Variants in MACF1 observed in about 807,000 individuals in gnomAD.
MACF1 encodes the protein microtubule-actin cross-linking factor 1.
Under a neutral mutation model 854.8 loss-of-function variants are expected in MACF1, and 193 were observed. The ratio of observed to expected loss-of-function variants is 0.23; its 90% confidence interval spans 0.20 to 0.25. The LOEUF (loss-of-function observed/expected upper bound fraction) is 0.25, where lower values mean the gene tolerates loss of function less well. Ranked by LOEUF, MACF1 falls within the 10% of genes least tolerant of loss-of-function variation. The pLI is 1.00. For missense variants in MACF1, 7,722 were observed against 8,929.1 expected (o/e 0.86, Z 5.45); for synonymous variants, 3,185 against 3,226.7 (o/e 0.99, Z 0.44).
intron 2 of MACF1, among the ~76,000 whole-genome samples, chr1:39,117,876 T>C (rs967843371): frequency 1.3e-5 from 2 of 152,226 alleles, no homozygotes; most frequent in Non-Finnish European, 2.9e-5. Context: ...GTAGAAGATA[T>C]CCTAAAAAGA....
intron 2 of MACF1, among the ~76,000 whole-genome samples, chr1:39,198,235 G>A (rs1344984406): frequency 2.0e-5 from 3 of 152,140 alleles, no homozygotes; most frequent in East Asian, 3.9e-4. Flanking sequence ...CAGGCTGGGC[G>A]CGGTGGCTCA....
At chr1:39,425,330 C>T (rs760832456) in intron 61 of MACF1, among the ~76,000 whole-genome samples, 11 of 152,100 alleles carry the variant, frequency 7.2e-5, no homozygotes, top group Non-Finnish European at 1.5e-4. Context: ...ATCACTCTAC[C>T]ACTAACCCTG....
chr1:39,266,291 C>G (rs896343699), intron 6 of MACF1, among the ~76,000 whole-genome samples: 1 of 152,194 alleles, frequency 6.6e-6, no homozygotes, highest in Non-Finnish European at 1.5e-5. Flanking sequence ...GGTTTCTTCA[C>G]TGGAGGAGTG....
chr1:39,353,055 C>T lies in MACF1; in HGVS notation c.11248C>T (p.Leu3750Phe). 2 of 1,614,098 alleles carry T rather than the reference C, an allele frequency of 1.2e-6. No homozygotes were observed. The highest frequency in any genetic ancestry group is 2.2e-5 in the East Asian group (1 of 44,864). Reference sequence around the variant, plus strand: ...AGAGAACAAGAAGAAGATCGATGCTCTCCTGGATTGGGTAACTTCAGTAGG... The same window carrying T: ...AGAGAACAAGAAGAAGATCGATGCTTTCCTGGATTGGGTAACTTCAGTAGG... ...LAENKKKIDA[L>F]LDWVTSVGSS... The change falls in exon 44 of 101, where the codon CTC becomes TTC. Residue 3750 changes from leucine (L) to phenylalanine (F), a missense_variant. By Grantham distance (22) the Leu-to-Phe change is conservative. Transcript: ENST00000564288.
At chr1:39,426,695 T>G (rs1280714020) in intron 61 of MACF1, among the ~76,000 whole-genome samples, 3 of 152,182 alleles carry the variant, frequency 2.0e-5, no homozygotes, top group Non-Finnish European at 4.4e-5. Context: ...AAAGCCAAGC[T>G]TAGTTATGGA....
At chr1:39,287,238 TATAC>T (rs767536193) in intron 14 of MACF1, 44 bp from the exon 15 acceptor site, 2 of 1,565,622 alleles carry the variant, frequency 1.3e-6, no homozygotes, top group Admixed American at 3.7e-5. Context: ...TTTTAAAAAC[TATAC>T]TATAGATTTA....
intron 1 of MACF1, among the ~76,000 whole-genome samples, chr1:39,217,240 CTA>C (rs1644587265): frequency 1.5e-5 from 2 of 135,814 alleles, no homozygotes. Context: ...GATTTAGGGT[CTA>C]TTTTATTTTA....
At chr1:39,430,996 GA>G in intron 66 of MACF1, 88 bp downstream of exon 66, 1 of 1,186,658 alleles carries the variant, frequency 8.4e-7, no homozygotes, top group Non-Finnish European at 1.2e-6. Flanking sequence ...TACAGACTCA[GA>G]AATAAGAATG....
At chr1:39,207,054 A>C (rs1223847751) in intron 1 of MACF1, 1 of 151,886 alleles carries the variant, frequency 6.6e-6, no homozygotes, top group Non-Finnish European at 1.5e-5. Flanking sequence ...GTGCCTAATA[A>C]TAGTAATAAT....
chr1:39,465,353 C>T (rs1392269049), intron 95 of MACF1, among the ~76,000 whole-genome samples: 1 of 152,188 alleles, frequency 6.6e-6, no homozygotes, highest in African/African-American at 2.4e-5. Flanking sequence ...GCTATGGTAT[C>T]AGTCCATTAC....
chr1:39,188,851 G>GCC (rs1644211206), intron 2 of MACF1, among the ~76,000 whole-genome samples: 1 of 152,064 alleles, frequency 6.6e-6, no homozygotes, highest in Non-Finnish European at 1.5e-5. Flanking sequence ...TGATCCACCT[G>GCC]TTTCTGCCTC....
At chr1:39,378,625 C>A in intron 53 of MACF1, 102 bp downstream of exon 53, 1 of 1,146,196 alleles carries the variant, frequency 8.7e-7, no homozygotes, top group Non-Finnish European at 1.3e-6. Context: ...GAACTGCTGC[C>A]AGAATGGGTG....
intron 6 of MACF1, among the ~76,000 whole-genome samples, chr1:39,281,325 T>C (rs969372097): frequency 2.0e-5 from 3 of 152,174 alleles, no homozygotes; most frequent in African/African-American, 7.2e-5. Context: ...ATTGCATACA[T>C]AGGTGCGTGT....
Position 39,084,195 on chromosome 1 carries a change from C to T in MACF1, c.-24C>T. ...ACTTCTCCCTGGGCTCCCAGGCCCT[C>T]CTGCAGCAGCCCCCGCCTGGGCCAT... On this transcript the variant is annotated 5_prime_UTR_variant, in exon 2 of 94. Coordinates refer to the MACF1 transcript ENST00000361689. The surrounding 1 kb of genome is among the most constrained non-coding windows in gnomAD (Gnocchi z 5.2). 5 of 1,607,070 alleles carry T rather than the reference C, an allele frequency of 3.1e-6. No homozygotes were observed. Among genetic ancestry groups the T allele is most frequent in the Non-Finnish European group, 4.2e-6 (5 of 1,177,034 alleles).
Position 39,304,376 on chromosome 1 carries a change from T to C in MACF1, c.2789+1298T>C. On this transcript the variant is annotated intron_variant, in intron 23 of 100. Transcript: ENST00000564288. ...ATCTAGAACTACTTTGGTGCCTCCA[T>C]ATTGTGGGAGAAGAACTTTATCTCC... The C allele has an allele frequency of 3.2e-6, 3 of 936,426 alleles. No individual in the cohort carries two copies. In the South Asian group the frequency reaches 3.8e-5, roughly 12 times the overall value. The allele number at this position is 936,426 out of a possible 1,614,324, so 58.0% of individuals were successfully genotyped here. A position where few individuals can be genotyped will look rare whatever the true frequency, so the allele number is the denominator to read the frequency against.
chr1:39,248,326 AG>A (rs1645004621), intron 2 of MACF1, among the ~76,000 whole-genome samples: 1 of 151,812 alleles, frequency 6.6e-6, no homozygotes, highest in Non-Finnish European at 1.5e-5. Context: ...TTTTTCAGAC[AG>A]GGTTAAAAAA....
At chr1:39,336,907 ACTAG>A (rs1646820530) in intron 37 of MACF1, among the ~76,000 whole-genome samples, 1 of 152,234 alleles carries the variant, frequency 6.6e-6, no homozygotes, top group Non-Finnish European at 1.5e-5. Context: ...TAATAGAAAT[ACTAG>A]GATGATGCTA....
rs1050674774 is a variant in MACF1, at chr1:39,441,104, A to C, written c.18549A>C (p.Glu6183Asp). Residue 6183 changes from glutamate (E) to aspartate (D), a missense_variant, in exon 73 of 101, where the codon GAA (glutamate) becomes GAC (aspartate). Glu to Asp is a conservative substitution (Grantham distance 45). Transcript: ENST00000564288. ...IFACGETEKPEVRKSIDEMNN... is the reference protein window; with the variant it reads ...IFACGETEKPDVRKSIDEMNN... ...CCTGTGGAGAAACTGAGAAGCCTGAAGTGAGGAAGAGCATTGATGAGGTGT... is the reference window on the plus strand; with the variant it reads ...CCTGTGGAGAAACTGAGAAGCCTGACGTGAGGAAGAGCATTGATGAGGTGT... The C allele has an allele frequency of 6.2e-7, 1 of 1,614,222 alleles. No individual in the cohort carries two copies. The highest frequency in any genetic ancestry group is 1.3e-5 in the African/African-American group (1 of 75,048).
At chr1:39,245,549 T>G (rs1219115980) in intron 2 of MACF1, among the ~76,000 whole-genome samples, 1 of 152,116 alleles carries the variant, frequency 6.6e-6, no homozygotes, top group South Asian at 2.1e-4. Context: ...AAATTGGTGG[T>G]ATTACAGGTG....
Sources: allele counts gnomAD v4.1 joint callset (sites outside exome capture counted in the v4.1 genomes callset), GRCh38; gene constraint gnomAD v4.1.1; non-coding constraint Gnocchi (gnomAD v3.1); transcripts MANE v1.5; gene names NCBI Gene and HGNC (gene_info 2026-07-23, HGNC 2026-07-21).